The following DAB1 variants were observed in gnomAD, a reference collection of about 807,000 sequenced individuals.
The protein encoded by DAB1 is disabled homolog 1.
Under a neutral mutation model 64.6 loss-of-function variants are expected in DAB1, and 15 were observed. The ratio of observed to expected loss-of-function variants is 0.23; its 90% CI spans 0.16 to 0.36. DAB1 has a LOEUF of 0.36. DAB1 is among the 10% of genes least tolerant of loss of function. The probability of loss-of-function intolerance (pLI) is 1.00; values close to 1 mark genes in which losing one functional copy is unlikely to be tolerated. For missense variants in DAB1, 596 were observed against 706.7 expected, an observed-to-expected ratio of 0.84 and a Z score of 1.78; for synonymous variants, 235 against 251.9, an observed-to-expected ratio of 0.93 and a Z score of 0.64.
chr1:58,106,824 T>TTCCCTCCCTCCCTCCTTCA lies in DAB1; in HGVS notation n.387+43668_387+43686dup, dbSNP rs1171041851. Among the ~76,000 whole-genome samples, 95 of 150,686 alleles carry TTCCCTCCCTCCCTCCTTCA rather than the reference T, an allele frequency of 6.3e-4. No homozygotes were observed. The South Asian group carries it at 0.02, about 32-fold the overall frequency. On this transcript the variant is annotated intron_variant and non_coding_transcript_variant, in intron 5 of 20. Transcript: ENST00000485760. ...TAGGGCCCAGCTGAAATAAATTGCC[T>TTCCCTCCCTCCCTCCTTCA]TCCCTCCCTCCCTCCTTCATCCCTC...
chr1:57,939,780 G>T (rs80134762), intron 5 of DAB1, among the ~76,000 whole-genome samples: 1,809 of 152,172 alleles, frequency 0.012, 43 homozygotes, highest in African/African-American at 0.041. Context: ...TGTAGCCAAG[G>T]AACACACCCC....
intron 1 of DAB1, among the ~76,000 whole-genome samples, chr1:57,415,351 G>T (rs1031991823): frequency 6.0e-5 from 9 of 150,768 alleles, no homozygotes; most frequent in Non-Finnish European, 1.3e-4. Context: ...AAAGCTTTTA[G>T]AAGACAACAA....
chr1:58,187,031 T>C (rs1657115806), intron 4 of DAB1, among the ~76,000 whole-genome samples: 1 of 152,170 alleles, frequency 6.6e-6, no homozygotes, highest in South Asian at 2.1e-4. Flanking sequence ...GGAGAAGCAT[T>C]AGGACTATTA....
At chr1:57,696,992 T>A (rs1646852636) in intron 6 of DAB1, among the ~76,000 whole-genome samples, 1 of 152,156 alleles carries the variant, frequency 6.6e-6, no homozygotes, top group South Asian at 2.1e-4. Flanking sequence ...ATTTTGAAGC[T>A]CCCATCCAAA....
At chr1:57,768,463 T>C (rs1413752198) in intron 6 of DAB1, among the ~76,000 whole-genome samples, 1 of 151,358 alleles carries the variant, frequency 6.6e-6, no homozygotes, top group Admixed American at 6.6e-5. Flanking sequence ...ATAACACTCT[T>C]TTTTGTTCCC....
chr1:58,139,742 T>A (rs934663117), intron 5 of DAB1, among the ~76,000 whole-genome samples: 1 of 152,214 alleles, frequency 6.6e-6, no homozygotes, highest in Non-Finnish European at 1.5e-5. Flanking sequence ...GTAATTTGAT[T>A]TGAACCTGGT....
At chr1:57,354,835 A>G (rs545164425) in intron 1 of DAB1, among the ~76,000 whole-genome samples, 1 of 152,222 alleles carries the variant, frequency 6.6e-6, no homozygotes, top group African/African-American at 2.4e-5. Context: ...AATGGTTGGG[A>G]TCTGAAGGAC....
rs1315053037 is a variant in DAB1, at chr1:58,335,171, C to T, written n.309+8181G>A. On this transcript the variant is annotated intron_variant and non_coding_transcript_variant, in intron 4 of 20. Coordinates refer to the DAB1 transcript ENST00000485760. ...CTTGACTAAAATGAGGGTACACGTA[C>T]AAAAACCAGGAGGAAGAGCATCCCA... is the stretch of plus-strand genomic sequence containing the variant. 3.9e-5 allele frequency among the ~76,000 whole-genome samples: 6 copies of T among 152,086 alleles called. No homozygotes were observed. The East Asian group carries it at 1.2e-3, about 29-fold the overall frequency.
At chr1:57,531,001 G>A (rs536178654) in intron 7 of DAB1, among the ~76,000 whole-genome samples, 1 of 152,260 alleles carries the variant, frequency 6.6e-6, no homozygotes, top group East Asian at 1.9e-4. Context: ...CAGTCAGTGA[G>A]GTGATGAGAG....
At chr1:57,145,934 T>G (rs1176077417) in intron 2 of DAB1, among the ~76,000 whole-genome samples, 1 of 152,204 alleles carries the variant, frequency 6.6e-6, no homozygotes, top group African/African-American at 2.4e-5. Flanking sequence ...CCAGAGTAAT[T>G]ACCTGAGGAC....
intron 9 of DAB1, among the ~76,000 whole-genome samples, chr1:57,060,514 T>C (rs1475447669): frequency 1.3e-5 from 2 of 152,106 alleles, no homozygotes; most frequent in African/African-American, 2.4e-5. Context: ...TACCAGGCCA[T>C]GGGCTTGCAT....
chr1:57,436,732 G>A (rs1371267688), intron 7 of DAB1, among the ~76,000 whole-genome samples: 1 of 152,162 alleles, frequency 6.6e-6, no homozygotes, highest in Non-Finnish European at 1.5e-5. Flanking sequence ...AGAAGGTAAA[G>A]AATTTCCTGG....
intron 7 of DAB1, among the ~76,000 whole-genome samples, chr1:57,492,903 T>A (rs1644181963): frequency 6.6e-6 from 1 of 152,010 alleles, no homozygotes; most frequent in African/African-American, 2.4e-5. Flanking sequence ...CTTGGAGAAA[T>A]TCAAATTTTT....
chr1:57,382,825 T>C (rs1306146326), intron 1 of DAB1, among the ~76,000 whole-genome samples: 1 of 152,136 alleles, frequency 6.6e-6, no homozygotes, highest in East Asian at 1.9e-4. Context: ...TCTTTTTCCA[T>C]ATAAGAATAA....
intron 7 of DAB1, among the ~76,000 whole-genome samples, chr1:57,602,778 CTG>C (rs151169286): frequency 6.6e-6 from 1 of 152,008 alleles, no homozygotes; most frequent in African/African-American, 2.4e-5. Context: ...GATTTGAATG[CTG>C]TGTGTGTGTG....
chr1:57,021,740 G>A (rs1423527568), intron 11 of DAB1, among the ~76,000 whole-genome samples: 2 of 152,072 alleles, frequency 1.3e-5, no homozygotes, highest in Non-Finnish European at 2.9e-5. Flanking sequence ...CAAATGTTAG[G>A]GCTGGAAGAG....
intron 4 of DAB1, among the ~76,000 whole-genome samples, chr1:58,262,031 G>T (rs1299876985): frequency 6.6e-6 from 1 of 152,212 alleles, no homozygotes; most frequent in Non-Finnish European, 1.5e-5. Flanking sequence ...GTAGTGCAGA[G>T]GTTAGGTCTG....
intron 4 of DAB1, among the ~76,000 whole-genome samples, chr1:57,074,995 C>T (rs539187142): frequency 6.6e-5 from 10 of 152,218 alleles, no homozygotes; most frequent in Middle Eastern, 3.4e-3. Flanking sequence ...GGCTTTTGTG[C>T]GCTAAAATGG....
chr1:57,537,937 A>G (rs1644749457), intron 7 of DAB1, among the ~76,000 whole-genome samples: 1 of 152,058 alleles, frequency 6.6e-6, no homozygotes, highest in Non-Finnish European at 1.5e-5. Context: ...GTGGGAGAGA[A>G]GGCTAGGGGG....
Sources: allele counts gnomAD v4.1 joint callset (sites outside exome capture counted in the v4.1 genomes callset), GRCh38; gene constraint gnomAD v4.1.1; transcripts MANE v1.5; gene names NCBI Gene and HGNC (gene_info 2026-07-23, HGNC 2026-07-21).